The following RPTOR variants were observed in gnomAD, a reference collection of about 807,000 sequenced individuals.
RPTOR encodes the protein regulatory-associated protein of mTOR.
Under a neutral mutation model 169.9 loss-of-function variants are expected in RPTOR, and 21 were observed. That is an observed-to-expected ratio of 0.12 (90% confidence interval 0.09 to 0.18). The LOEUF is 0.18. Ranked by LOEUF, RPTOR falls within the 10% of genes least tolerant of loss-of-function variation. The probability of loss-of-function intolerance (pLI) is 1.00; values close to 1 mark genes in which losing one functional copy is unlikely to be tolerated. For synonymous variants in RPTOR, 732 were observed against 753.2 expected (o/e 0.97, Z 0.46); for missense variants, 1,133 against 1,855.9 (o/e 0.61, Z 7.16).
chr17:80,667,408 A>G (rs771786959), intron 3 of RPTOR, among the ~76,000 whole-genome samples: 2 of 152,354 alleles, frequency 1.3e-5, no homozygotes, highest in Non-Finnish European at 2.9e-5. Flanking sequence ...AATAAGGAAC[A>G]GGTGTTTGAG....
intron 5 of RPTOR, among the ~76,000 whole-genome samples, chr17:80,747,484 G>A (rs550074074): frequency 6.6e-6 from 1 of 152,332 alleles, no homozygotes; most frequent in East Asian, 1.9e-4. Context: ...TGGGGTTTCT[G>A]TCAATGATCA....
intron 21 of RPTOR, among the ~76,000 whole-genome samples, chr17:80,914,727 G>A (rs1238638342): frequency 6.6e-6 from 1 of 152,248 alleles, no homozygotes; most frequent in Non-Finnish European, 1.5e-5. Context: ...GCATGGGAGG[G>A]AGGCTGAGGG....
chr17:80,926,547 T>C (rs1253323935), intron 24 of RPTOR, among the ~76,000 whole-genome samples: 1 of 152,264 alleles, frequency 6.6e-6, no homozygotes, highest in Non-Finnish European at 1.5e-5. Flanking sequence ...TGAGATTCAC[T>C]TAAATGTCCA....
At position 80,915,875 on chromosome 17, in the gene RPTOR, G is replaced by A. The variant is rs551184397; in HGVS notation, c.2521-6849G>A. 1.0e-3 allele frequency among the ~76,000 whole-genome samples: 155 copies of A among 151,260 alleles called. 5 individuals are homozygous for A. The East Asian group carries it at 0.023, about 22-fold the overall frequency. On this transcript the variant is annotated intron_variant, in intron 21 of 33. Coordinates refer to ENST00000306801, the MANE Select transcript of RPTOR (RefSeq NM_020761.3). ...CCTCTCTGCTGAGAGCTGAGCAGAC[G>A]TCGGGAAAACCAGCTGCAGAGAGGA...
chr17:80,811,337 G>C (rs976161844), intron 7 of RPTOR, among the ~76,000 whole-genome samples: 1 of 152,184 alleles, frequency 6.6e-6, no homozygotes, highest in African/African-American at 2.4e-5. Context: ...TGTCTGTGGA[G>C]GGGATCGTAC....
Position 80,960,002 on chromosome 17 carries a change from G to A in RPTOR, c.3478-76G>A. On this transcript the variant is annotated intron_variant, in intron 29 of 33. Coordinates refer to ENST00000306801, the MANE Select transcript of RPTOR (RefSeq NM_020761.3). The surrounding 1 kb of genome is among the most constrained non-coding windows in gnomAD (Gnocchi z 4.8). Reference sequence around the variant, plus strand: ...CACAGCCAGGCAGGCAGCAAGAGGGGTCCTGGCGCTGCAGGACAGCAGGGA... The same window carrying A: ...CACAGCCAGGCAGGCAGCAAGAGGGATCCTGGCGCTGCAGGACAGCAGGGA... 6.3e-7 allele frequency: 1 copy of A among 1,577,442 alleles called. No homozygotes were observed. The highest frequency in any genetic ancestry group is 8.7e-7 in the Non-Finnish European group (1 of 1,155,476).
intron 1 of RPTOR, among the ~76,000 whole-genome samples, chr17:80,590,641 T>C (rs1438605402): frequency 6.6e-6 from 1 of 152,268 alleles, no homozygotes; most frequent in Non-Finnish European, 1.5e-5. Context: ...CGCACATGCG[T>C]GCACACAGTG....
intron 1 of RPTOR, among the ~76,000 whole-genome samples, chr17:80,584,644 T>C (rs12949300): frequency 0.19 from 28,681 of 152,264 alleles, 3,009 homozygotes; most frequent in East Asian, 0.28. Flanking sequence ...TTTCCCCTTT[T>C]GACTTCTTTG....
intron 5 of RPTOR, among the ~76,000 whole-genome samples, chr17:80,745,788 T>C (rs2066566862): frequency 6.6e-6 from 1 of 152,222 alleles, no homozygotes; most frequent in African/African-American, 2.4e-5. Flanking sequence ...CTGGAGTTGT[T>C]AGTACCGTAT....
chr17:80,906,407 TC>T (rs1239085441), intron 20 of RPTOR, among the ~76,000 whole-genome samples: 6 of 152,160 alleles, frequency 3.9e-5, no homozygotes, highest in African/African-American at 1.2e-4. Flanking sequence ...CTGGAAGGCT[TC>T]GGTTCTGTCC....
rs1338958415 is a variant in RPTOR, at chr17:80,936,822, G to C, written c.2920-3674G>C. On this transcript the variant is annotated intron_variant, in intron 24 of 33. Transcript: ENST00000306801. This position sits in a 1 kb window ranked among gnomAD's most constrained non-coding sequence, Gnocchi z 4.1. ...GATGATGTAAATGCCTTGTTGAGGA[G>C]TGAACGTGCATAGCAAGCTCCGAGC... Among the ~76,000 whole-genome samples the C allele has an allele frequency of 6.6e-6, 1 of 152,240 alleles. No individual in the cohort carries two copies. Among genetic ancestry groups the C allele is most frequent in the Non-Finnish European group, 1.5e-5 (1 of 68,052 alleles).
intron 3 of RPTOR, among the ~76,000 whole-genome samples, chr17:80,699,455 G>T (rs1332717090): frequency 2.0e-5 from 3 of 149,020 alleles, no homozygotes; most frequent in East Asian, 4.1e-4. Flanking sequence ...AGCAAGAGGT[G>T]CTATGCACGG....
chr17:80,883,568 A>T, intron 15 of RPTOR, 84 bp downstream of exon 15: 1 of 1,406,032 alleles, frequency 7.1e-7, no homozygotes, highest in South Asian at 1.1e-5. Context: ...GTGGTGCCAC[A>T]TGGGGGACAG....
chr17:80,660,998 C>G (rs1217706153), intron 3 of RPTOR, among the ~76,000 whole-genome samples: 1 of 152,216 alleles, frequency 6.6e-6, no homozygotes. Context: ...TCTCCCTCTG[C>G]TGCGTTTCCT....
At chr17:80,583,278 T>C (rs2065033075) in intron 1 of RPTOR, among the ~76,000 whole-genome samples, 1 of 149,622 alleles carries the variant, frequency 6.7e-6, no homozygotes, top group African/African-American at 2.5e-5. Context: ...AGCTTCTGCT[T>C]CCTTGGTTCA....
chr17:80,666,726 T>A (rs150221038), intron 3 of RPTOR, among the ~76,000 whole-genome samples: 7 of 152,300 alleles, frequency 4.6e-5, no homozygotes, highest in African/African-American at 1.7e-4. Flanking sequence ...ACATTGCCCC[T>A]GCTGTAGTGG....
At chr17:80,753,632 CAAAAAA>C (rs35693819) in intron 5 of RPTOR, among the ~76,000 whole-genome samples, 4 of 94,994 alleles carry the variant, frequency 4.2e-5, no homozygotes, top group African/African-American at 1.4e-4. Context: ...AACTCCGTCT[CAAAAAA>C]AAAAAAAAAA....
chr17:80,849,493 A>ATTGCTGT (rs904649678), intron 11 of RPTOR, among the ~76,000 whole-genome samples: 1 of 152,226 alleles, frequency 6.6e-6, no homozygotes, highest in Non-Finnish European at 1.5e-5. Flanking sequence ...GTTTAAAAAA[A>ATTGCTGT]TTGCTGTTTT....
chr17:80,575,589 C>G (rs992024013), intron 1 of RPTOR, among the ~76,000 whole-genome samples: 2 of 152,162 alleles, frequency 1.3e-5, no homozygotes, highest in Non-Finnish European at 2.9e-5. Context: ...TACATGCATG[C>G]ACACGCTTGG....
Sources: gnomAD v4.1 joint callset for allele counts (sites outside exome capture counted in the v4.1 genomes callset) on GRCh38, gnomAD v4.1.1 for gene constraint, Gnocchi (gnomAD v3.1) non-coding constraint, MANE v1.5 for transcripts, NCBI Gene and HGNC (gene_info 2026-07-23, HGNC 2026-07-21) for gene names.